The following CHCHD6 variants were observed in gnomAD, a reference collection of about 807,000 sequenced individuals.
CHCHD6 encodes the protein MICOS complex subunit MIC25.
Under a neutral mutation model 32.3 loss-of-function variants are expected in CHCHD6, and 28 were observed. The observed-to-expected ratio is 0.87, with a 90% CI of 0.64 to 1.19. The LOEUF (loss-of-function observed/expected upper bound fraction) is 1.19, where lower values mean the gene tolerates loss of function less well. Among genes scored for constraint, CHCHD6 ranks in the 50% most tolerant of loss-of-function variants. The probability of loss-of-function intolerance (pLI) is 0.00; values close to 1 mark genes in which losing one functional copy is unlikely to be tolerated. For synonymous variants in CHCHD6, 122 were observed against 117.5 expected (o/e 1.04, Z -0.25); for missense variants, 333 against 307.0 (o/e 1.08, Z -0.63).
intron 4 of CHCHD6, among the ~76,000 whole-genome samples, chr3:126,807,662 G>A (rs923708961): frequency 4.6e-5 from 7 of 152,178 alleles, no homozygotes; most frequent in African/African-American, 1.2e-4. Flanking sequence ...AGAAGGGCCC[G>A]TTAGTTCGTA....
At chr3:126,946,567 A>C (rs1371327653) in intron 6 of CHCHD6, among the ~76,000 whole-genome samples, 1 of 152,156 alleles carries the variant, frequency 6.6e-6, no homozygotes, top group Non-Finnish European at 1.5e-5. Context: ...GGGCAGCTGG[A>C]GCCCGGCATC....
At chr3:126,916,137 A>T (rs999654968) in intron 6 of CHCHD6, among the ~76,000 whole-genome samples, 13 of 152,310 alleles carry the variant, frequency 8.5e-5, no homozygotes, top group African/African-American at 3.1e-4. Flanking sequence ...GTGGTGGCTC[A>T]CACCTGTAAT....
chr3:126,706,814 A>G (rs1175590815), intron 1 of CHCHD6, among the ~76,000 whole-genome samples: 1 of 152,174 alleles, frequency 6.6e-6, no homozygotes, highest in East Asian at 1.9e-4. Flanking sequence ...CCAGATCAAC[A>G]AAACAGTTGC....
chr3:126,798,357 T>C (rs997792526), intron 4 of CHCHD6, among the ~76,000 whole-genome samples: 4 of 151,896 alleles, frequency 2.6e-5, no homozygotes, highest in African/African-American at 9.7e-5. Flanking sequence ...AAAACCTCAC[T>C]GTTCTTCAAA....
chr3:126,785,617 A>C (rs889486253), intron 4 of CHCHD6, among the ~76,000 whole-genome samples: 19 of 152,240 alleles, frequency 1.2e-4, no homozygotes, highest in Non-Finnish European at 2.6e-4. Flanking sequence ...ATATAAAATT[A>C]ACCATCTTAA....
At chr3:126,714,076 CA>C (rs1157910763) in intron 1 of CHCHD6, among the ~76,000 whole-genome samples, 1,066 of 28,824 alleles carry the variant, frequency 0.037, 6 homozygotes, top group East Asian at 0.16. Flanking sequence ...GACTGCATCT[CA>C]AAAAAAAAAA....
intron 4 of CHCHD6, among the ~76,000 whole-genome samples, chr3:126,792,115 C>T (rs368970812): frequency 3.3e-5 from 5 of 152,050 alleles, no homozygotes; most frequent in East Asian, 3.9e-4. Flanking sequence ...ATCCATTCAT[C>T]CGTTGATGGA....
At chr3:126,926,141 C>T (rs566406511) in intron 6 of CHCHD6, among the ~76,000 whole-genome samples, 3 of 152,326 alleles carry the variant, frequency 2.0e-5, no homozygotes, top group East Asian at 3.9e-4. Context: ...GTCTAAAATC[C>T]TCCTGGCCCA....
At chr3:126,736,680 T>C (rs530957330) in intron 4 of CHCHD6, among the ~76,000 whole-genome samples, 3 of 152,288 alleles carry the variant, frequency 2.0e-5, no homozygotes, top group Admixed American at 1.3e-4. Flanking sequence ...AGTGCAGCAG[T>C]GATGAACTGT....
intron 4 of CHCHD6, among the ~76,000 whole-genome samples, chr3:126,746,619 C>T (rs766529267): frequency 2.0e-5 from 3 of 152,174 alleles, no homozygotes; most frequent in Non-Finnish European, 4.4e-5. Flanking sequence ...ATGATGTCGG[C>T]ACCTTATCTT....
chr3:126,909,689 G>A (rs2078058757), intron 5 of CHCHD6, among the ~76,000 whole-genome samples: 1 of 152,182 alleles, frequency 6.6e-6, no homozygotes, highest in African/African-American at 2.4e-5. Flanking sequence ...CTGTCTACAG[G>A]GCAGAGGAAA....
At chr3:126,905,305 G>A (rs2077989246) in intron 5 of CHCHD6, among the ~76,000 whole-genome samples, 1 of 152,230 alleles carries the variant, frequency 6.6e-6, no homozygotes, top group African/African-American at 2.4e-5. Flanking sequence ...GGAAGGGAAT[G>A]ATTAGTTTTG....
chr3:126,901,815 G>T lies in CHCHD6; in HGVS notation c.496-12865G>T, dbSNP rs1248329135. Among the ~76,000 whole-genome samples, 4 of 152,218 alleles carry T rather than the reference G, an allele frequency of 2.6e-5. No homozygotes were observed. In the East Asian group the frequency reaches 7.7e-4, roughly 29 times the overall value. On this transcript the variant is annotated intron_variant, in intron 5 of 7. Coordinates refer to ENST00000290913, the MANE Select transcript of CHCHD6 (RefSeq NM_032343.3). ...ATAACTAGAGGGTCACGGTTCTTCT[G>T]TGTGACCACACGAGTGAAAGTGGTA...
chr3:126,877,504 G>A (rs1359729524), intron 5 of CHCHD6, among the ~76,000 whole-genome samples: 3 of 151,290 alleles, frequency 2.0e-5, no homozygotes, highest in African/African-American at 4.9e-5. Flanking sequence ...GCAGTGAGCC[G>A]AGATTGTGCC....
intron 5 of CHCHD6, among the ~76,000 whole-genome samples, chr3:126,869,186 T>A (rs1325369632): frequency 1.3e-5 from 2 of 152,052 alleles, no homozygotes; most frequent in Non-Finnish European, 2.9e-5. Context: ...TTTTAACAAA[T>A]AGGCTCACAG....
At chr3:126,762,155 C>T (rs1322612921) in intron 4 of CHCHD6, among the ~76,000 whole-genome samples, 1 of 152,146 alleles carries the variant, frequency 6.6e-6, no homozygotes, top group Non-Finnish European at 1.5e-5. Context: ...TATCTCCACT[C>T]TAATAATCTT....
intron 4 of CHCHD6, among the ~76,000 whole-genome samples, chr3:126,824,647 C>G (rs967262809): frequency 6.7e-6 from 1 of 149,058 alleles, no homozygotes; most frequent in Non-Finnish European, 1.5e-5. Context: ...AATGAAATGG[C>G]ACGATCTCGG....
intron 5 of CHCHD6, among the ~76,000 whole-genome samples, chr3:126,894,740 G>A (rs554535791): frequency 6.6e-6 from 1 of 152,342 alleles, no homozygotes; most frequent in Non-Finnish European, 1.5e-5. Context: ...AAGGAGGTCT[G>A]GAGGGATCAC....
At chr3:126,957,257 G>T in intron 6 of CHCHD6, 159 bp from the exon 7 acceptor site, 1 of 801,082 alleles carries the variant, frequency 1.2e-6, no homozygotes, top group Admixed American at 2.4e-5. Flanking sequence ...TTTCTAGAAC[G>T]GGAAAGCACA....
Sources: allele counts gnomAD v4.1 joint callset (sites outside exome capture counted in the v4.1 genomes callset), GRCh38; gene constraint gnomAD v4.1.1; transcripts MANE v1.5; gene names NCBI Gene and HGNC (gene_info 2026-07-23, HGNC 2026-07-21).